Variants in SEPTIN14 observed in about 807,000 individuals in gnomAD.
SEPTIN14 encodes the protein septin-14.
Under a neutral mutation model 53.6 loss-of-function variants are expected in SEPTIN14, and 40 were observed. That is an observed-to-expected ratio of 0.75 (90% CI 0.58 to 0.97). The LOEUF is 0.97. Among genes scored for constraint, SEPTIN14 ranks in the 50% least tolerant of loss-of-function variants. SEPTIN14 has a pLI of 0.00. For missense variants in SEPTIN14, 471 were observed against 508.2 expected, an observed-to-expected ratio of 0.93 and a Z score of 0.70; for synonymous variants, 138 against 166.8, an observed-to-expected ratio of 0.83 and a Z score of 1.33.
At chr7:55,809,309 C>CTTT (rs780613537) in intron 7 of SEPTIN14, among the ~76,000 whole-genome samples, 98 of 88,662 alleles carry the variant, frequency 1.1e-3, no homozygotes, top group African/African-American at 4.3e-3. Context: ...ACTATGCTTA[C>CTTT]TTTTTTTTTT....
chr7:55,817,711 C>A (rs1179751084), intron 7 of SEPTIN14, among the ~76,000 whole-genome samples: 1 of 151,988 alleles, frequency 6.6e-6, no homozygotes, highest in Non-Finnish European at 1.5e-5. Flanking sequence ...ACCTCATGAT[C>A]CGCCCGCTTC....
At chr7:55,816,228 GA>G (rs1300752153) in intron 7 of SEPTIN14, among the ~76,000 whole-genome samples, 1 of 152,064 alleles carries the variant, frequency 6.6e-6, no homozygotes, top group African/African-American at 2.4e-5. Context: ...GAGAAGTGGG[GA>G]TAGTTGATGG....
intron 6 of SEPTIN14, among the ~76,000 whole-genome samples, chr7:55,820,944 A>G (rs111559175): frequency 0.031 from 4,755 of 152,276 alleles, 256 homozygotes; most frequent in African/African-American, 0.11. Flanking sequence ...CTGTCTCAAA[A>G]GAAAAAAAGA....
intron 6 of SEPTIN14, among the ~76,000 whole-genome samples, chr7:55,826,221 A>G: frequency 6.6e-6 from 1 of 152,166 alleles, no homozygotes; most frequent in East Asian, 1.9e-4. Flanking sequence ...TCAAGTATAC[A>G]ATGTTGTATA....
At chr7:55,842,708 C>A (rs950626692) in intron 5 of SEPTIN14, among the ~76,000 whole-genome samples, 2 of 151,796 alleles carry the variant, frequency 1.3e-5, no homozygotes, top group South Asian at 2.1e-4. Flanking sequence ...GTCAGGAGAT[C>A]GAGACCATCC....
chr7:55,829,372 C>CT (rs990206509), intron 6 of SEPTIN14, among the ~76,000 whole-genome samples: 9 of 136,490 alleles, frequency 6.6e-5, no homozygotes, highest in Middle Eastern at 4.5e-3. Context: ...AAGCAAAACT[C>CT]TGTCTCAAAA....
In SEPTIN14 at chr7:55,841,017, A is replaced by C. The variant is rs1262766308; in HGVS notation, c.558+1925T>G. On this transcript the variant is annotated intron_variant, in intron 5 of 9. Coordinates refer to ENST00000388975, the MANE Select transcript of SEPTIN14 (RefSeq NM_207366.3). ...CTGGTTCAAGCGATTCTCCTGCCTCAGTCTCATGAGCAGCTGGGATTACAG... is the reference window on the plus strand; with the variant it reads ...CTGGTTCAAGCGATTCTCCTGCCTCCGTCTCATGAGCAGCTGGGATTACAG... Among the ~76,000 whole-genome samples, 4 of 152,114 alleles carry C rather than the reference A, an allele frequency of 2.6e-5. No homozygotes were observed. In the East Asian group the frequency reaches 7.7e-4, roughly 29 times the overall value.
At chr7:55,816,690 C>A (rs1197059366) in intron 7 of SEPTIN14, among the ~76,000 whole-genome samples, 2 of 151,648 alleles carry the variant, frequency 1.3e-5, no homozygotes, top group Non-Finnish European at 2.9e-5. Flanking sequence ...GCCTGTAATC[C>A]CAGCTACTGA....
chr7:55,815,609 C>G (rs542982847), intron 7 of SEPTIN14, among the ~76,000 whole-genome samples: 1 of 151,920 alleles, frequency 6.6e-6, no homozygotes, highest in South Asian at 2.1e-4. Flanking sequence ...CTCAATATCA[C>G]TGATTACCAG....
In SEPTIN14 at chr7:55,832,849, C is replaced by CA. The variant is rs887093590; in HGVS notation, c.720+1575dup. Reference sequence around the variant, plus strand: ...AGGGCAACAGAGTGAGATCATGTCTCAAAAAAAAAATGATCTGTTGGGTAC... The same window carrying CA: ...AGGGCAACAGAGTGAGATCATGTCTCAAAAAAAAAAATGATCTGTTGGGTAC... On this transcript the variant is annotated intron_variant, in intron 6 of 9. Coordinates refer to ENST00000388975, the MANE Select transcript of SEPTIN14 (RefSeq NM_207366.3). Among the ~76,000 whole-genome samples the CA allele has an allele frequency of 1.9e-4, 27 of 145,118 alleles. 1 individual carries two copies. The highest frequency in any genetic ancestry group is 8.0e-4 in the East Asian group (4 of 4,970).
In SEPTIN14 at chr7:55,844,628, A is replaced by G. The variant is rs769131501; in HGVS notation, c.266T>C (p.Val89Ala). The change falls in exon 4 of 10, where the codon GTT (valine) becomes GCT (alanine). Residue 89 changes from valine to alanine, a missense_variant. Transcript: ENST00000388975. ...DNKSSHFYSN[V>A]GLQIQTYELQ... is the part of the protein sequence containing the mutation. ...TTCATATGTCTGAATTTGAAGTCCA[A>G]CATTTGAGTAAAAATGTGAGGATTT... 3.7e-6 allele frequency: 6 copies of G among 1,609,612 alleles called. No individual in the cohort carries two copies. The highest frequency in any genetic ancestry group is 5.1e-6 in the Non-Finnish European group (6 of 1,176,446).
chr7:55,803,062 C>T (rs1050330057), intron 9 of SEPTIN14, among the ~76,000 whole-genome samples: 4 of 151,966 alleles, frequency 2.6e-5, no homozygotes, highest in Admixed American at 6.6e-5. Context: ...CTCAGCCTCC[C>T]GATTAGCTGG....
chr7:55,808,117 A>C (rs1472869974), intron 7 of SEPTIN14, among the ~76,000 whole-genome samples: 2 of 152,216 alleles, frequency 1.3e-5, no homozygotes, highest in Non-Finnish European at 2.9e-5. Context: ...AATATCAGTA[A>C]GAAAATATCA....
chr7:55,854,493 G>A (rs1285742796), intron 2 of SEPTIN14, among the ~76,000 whole-genome samples: 2 of 151,502 alleles, frequency 1.3e-5, no homozygotes, highest in Admixed American at 6.6e-5. Flanking sequence ...GCAGTAGTGC[G>A]ATCTCGGCTC....
chr7:55,800,134 T>C (rs1788502231), intron 9 of SEPTIN14, among the ~76,000 whole-genome samples: 1 of 152,024 alleles, frequency 6.6e-6, no homozygotes, highest in Non-Finnish European at 1.5e-5. Context: ...AACCTAACTG[T>C]CCACAACAGA....
intron 5 of SEPTIN14, among the ~76,000 whole-genome samples, chr7:55,838,703 A>G (rs1475088879): frequency 6.6e-6 from 1 of 151,906 alleles, no homozygotes; most frequent in Non-Finnish European, 1.5e-5. Flanking sequence ...GCACACCACC[A>G]TGCCTGGCTA....
intron 7 of SEPTIN14, chr7:55,811,405 G>A: frequency 2.1e-6 from 1 of 478,428 alleles, no homozygotes; most frequent in South Asian, 1.6e-5. Flanking sequence ...CCCTTTCTAG[G>A]AGCCATGGTG....
chr7:55,860,043 G>T (rs1391979280), intron 2 of SEPTIN14, among the ~76,000 whole-genome samples: 1 of 151,990 alleles, frequency 6.6e-6, no homozygotes. Context: ...TCCAGGCATG[G>T]TGGCGCATGC....
chr7:55,802,045 G>T (rs1388162912), intron 9 of SEPTIN14, among the ~76,000 whole-genome samples: 1 of 149,330 alleles, frequency 6.7e-6, no homozygotes, highest in East Asian at 2.0e-4. Context: ...TGTCTCCAAG[G>T]CTGGAGTGCA....
Sources: allele counts gnomAD v4.1 joint callset (sites outside exome capture counted in the v4.1 genomes callset), GRCh38; gene constraint gnomAD v4.1.1; transcripts MANE v1.5; gene names NCBI Gene and HGNC (gene_info 2026-07-23, HGNC 2026-07-21).